ARHGAP22: variants seen among roughly 807,000 people sequenced by gnomAD.
ARHGAP22 encodes the protein Rho GTPase activating protein 22, also known as rho GTPase-activating protein 22.
In ARHGAP22, 48 loss-of-function variants were observed where a neutral mutation model predicts 59.1. That is an observed-to-expected ratio of 0.81 (90% CI 0.64 to 1.03). The LOEUF is 1.03. Among genes scored for constraint, ARHGAP22 ranks in the 50% least tolerant of loss-of-function variants. The probability of loss-of-function intolerance (pLI) is 0.00; values close to 1 mark genes in which losing one functional copy is unlikely to be tolerated. For missense variants in ARHGAP22, 1,015 were observed against 958.7 expected (o/e 1.06, Z -0.78); for synonymous variants, 445 against 416.4 (o/e 1.07, Z -0.84).
chr10:48,554,219 C>T (rs1020952228), intron 3 of ARHGAP22, among the ~76,000 whole-genome samples: 3 of 152,208 alleles, frequency 2.0e-5, no homozygotes, highest in Non-Finnish European at 4.4e-5. Flanking sequence ...TGTGCCCCTG[C>T]GAACTCTGGT....
intron 2 of ARHGAP22, among the ~76,000 whole-genome samples, chr10:48,576,702 C>T (rs551693300): frequency 2.0e-5 from 3 of 152,184 alleles, no homozygotes; most frequent in Non-Finnish European, 4.4e-5. Context: ...AAATTCTTCC[C>T]CTGCCATTGC....
chr10:48,591,897 A>G (rs1357481717), intron 1 of ARHGAP22, among the ~76,000 whole-genome samples: 1 of 152,078 alleles, frequency 6.6e-6, no homozygotes, highest in African/African-American at 2.4e-5. Context: ...AACAACAACA[A>G]CAACAACAAA....
chr10:48,465,025 T>G (rs2133868139), intron 4 of ARHGAP22, among the ~76,000 whole-genome samples: 1 of 152,198 alleles, frequency 6.6e-6, no homozygotes, highest in African/African-American at 2.4e-5. Context: ...CCGGCCTCCC[T>G]TATTAGGGGC....
the ARHGAP22 span, chr10:48,434,874 C>T: frequency 6.2e-7 from 1 of 1,600,330 alleles, no homozygotes. Context: ...TTTTGTTTCT[C>T]ATAGCACAGG....
At chr10:48,444,336 G>A (rs1408494088), downstream of ARHGAP22, 2 of 152,230 alleles carry the variant, frequency 1.3e-5, no homozygotes, top group African/African-American at 4.8e-5. Flanking sequence ...CCCCGCGACA[G>A]GTCAGCCTCT....
At chr10:48,570,866 G>A (rs1018641005) in intron 2 of ARHGAP22, among the ~76,000 whole-genome samples, 1 of 152,160 alleles carries the variant, frequency 6.6e-6, no homozygotes, top group Admixed American at 6.5e-5. Flanking sequence ...GGTTCCAAAC[G>A]CTCTGCACGA....
intron 9 of ARHGAP22, among the ~76,000 whole-genome samples, chr10:48,447,831 A>T (rs1014375377): frequency 6.6e-6 from 1 of 151,962 alleles, no homozygotes; most frequent in Non-Finnish European, 1.5e-5. Flanking sequence ...CTGAACAATG[A>T]TGTCCTCCCC....
upstream of ARHGAP22, among the ~76,000 whole-genome samples, chr10:48,655,097 CTCTT>C (rs1565070384): frequency 2.4e-4 from 8 of 33,078 alleles, no homozygotes; most frequent in African/African-American, 6.9e-4. Flanking sequence ...CTCTTCTCTT[CTCTT>C]CTCTTCTCTT....
At position 48,446,099 on chromosome 10, in the gene ARHGAP22, G is replaced by A. The variant is rs560352245; in HGVS notation, c.*292C>T. ...CCCGGTGGCTGCCTGGATCCTGGGC[G>A]CCCTCCATTTCTGTGGCCATGAAGG... On this transcript the variant is annotated 3_prime_UTR_variant, in exon 10 of 10. Transcript: ENST00000249601. The A allele has an allele frequency of 1.9e-5, 8 of 430,536 alleles. No homozygotes were observed. The highest frequency in any genetic ancestry group is 7.8e-5 in the East Asian group (2 of 25,496). The allele number at this position is 430,536 out of a possible 1,614,324, so 26.7% of individuals were successfully genotyped here.
intron 3 of ARHGAP22, among the ~76,000 whole-genome samples, chr10:48,516,658 T>G (rs2053320267): frequency 6.6e-6 from 1 of 152,204 alleles, no homozygotes; most frequent in South Asian, 2.1e-4. Flanking sequence ...AATTTAAAAT[T>G]TGTATTACTG....
intron 1 of ARHGAP22, among the ~76,000 whole-genome samples, chr10:48,621,470 G>T (rs1022614777): frequency 1.3e-5 from 2 of 152,102 alleles, no homozygotes; most frequent in Admixed American, 6.5e-5. Flanking sequence ...TAAGTAAATG[G>T]TAACTATTGT....
intron 3 of ARHGAP22, among the ~76,000 whole-genome samples, chr10:48,518,155 G>T (rs1867583): frequency 0.33 from 50,734 of 152,042 alleles, 10,104 homozygotes; most frequent in Middle Eastern, 0.54. Context: ...AAGCCTCAAG[G>T]TTCAGTCTCC....
At chr10:48,575,925 C>G (rs1010350560) in intron 2 of ARHGAP22, among the ~76,000 whole-genome samples, 1 of 152,218 alleles carries the variant, frequency 6.6e-6, no homozygotes, top group African/African-American at 2.4e-5. Flanking sequence ...CCAGCCTGGT[C>G]CTGGTCAGCC....
chr10:48,573,893 T>C lies in ARHGAP22; in HGVS notation c.234+9060A>G, dbSNP rs139958888. Among the ~76,000 whole-genome samples the C allele has an allele frequency of 6.7e-3, 1,015 of 152,360 alleles. 9 individuals are homozygous for C. The highest frequency in any genetic ancestry group is 0.034 in the Middle Eastern group (10 of 294). On this transcript the variant is annotated intron_variant, in intron 2 of 9. Transcript: ENST00000249601. ...TATTATGGTTTTTTCCATTATAGTA[T>C]GCAAGCTTTCATTCTACCTTTTTGA...
At chr10:48,619,150 T>C (rs937924416) in intron 1 of ARHGAP22, among the ~76,000 whole-genome samples, 1 of 152,002 alleles carries the variant, frequency 6.6e-6, no homozygotes, top group South Asian at 2.1e-4. Context: ...TGGTGAAAGA[T>C]CTCTACAAGG....
intron 2 of ARHGAP22, among the ~76,000 whole-genome samples, chr10:48,569,194 T>C (rs567196540): frequency 1.2e-4 from 19 of 152,324 alleles, no homozygotes; most frequent in African/African-American, 4.6e-4. Context: ...GAGCACAGGT[T>C]AGCCTGAGTA....
intron 3 of ARHGAP22, among the ~76,000 whole-genome samples, chr10:48,500,708 T>TG (rs1334327815): frequency 6.6e-6 from 1 of 151,744 alleles, no homozygotes; most frequent in Non-Finnish European, 1.5e-5. Context: ...GCTAACATGG[T>TG]GAAAAAACCC....
chr10:48,436,314 G>A, the ARHGAP22 span: 1 of 152,196 alleles, frequency 6.6e-6, no homozygotes, highest in Non-Finnish European at 1.5e-5. Flanking sequence ...ATGTCGAGTA[G>A]TGTTAAGAAT....
At chr10:48,577,613 G>A (rs1320856557) in intron 2 of ARHGAP22, among the ~76,000 whole-genome samples, 1 of 152,014 alleles carries the variant, frequency 6.6e-6, no homozygotes, top group Non-Finnish European at 1.5e-5. Context: ...TCTGCACACT[G>A]ATGTTCACCC....
Sources: allele counts gnomAD v4.1 joint callset (sites outside exome capture counted in the v4.1 genomes callset), GRCh38; gene constraint gnomAD v4.1.1; transcripts MANE v1.5; gene names NCBI Gene and HGNC (gene_info 2026-07-23, HGNC 2026-07-21).